SSH2: variants seen among roughly 807,000 people sequenced by gnomAD.
SSH2 encodes slingshot protein phosphatase 2, also known as protein phosphatase Slingshot homolog 2.
Under a neutral mutation model 135.2 loss-of-function variants are expected in SSH2, and 37 were observed. The observed-to-expected ratio is 0.27, with a 90% CI of 0.21 to 0.36. The LOEUF (loss-of-function observed/expected upper bound fraction) is 0.36. Among genes scored for constraint, SSH2 ranks in the 10% least tolerant of loss-of-function variants. SSH2 has a pLI of 1.00. For missense variants in SSH2, 1,408 were observed against 1,765.3 expected (o/e 0.80, Z 3.63); for synonymous variants, 628 against 646.2 (o/e 0.97, Z 0.43).
chr17:29,832,319 A>G (rs967608866), intron 2 of SSH2, among the ~76,000 whole-genome samples: 2 of 152,120 alleles, frequency 1.3e-5, no homozygotes, highest in Non-Finnish European at 1.5e-5. Context: ...TCTGGTAGAG[A>G]TGGAGTCTCC....
At chr17:29,783,780 G>C (rs2041893977) in intron 3 of SSH2, among the ~76,000 whole-genome samples, 1 of 151,464 alleles carries the variant, frequency 6.6e-6, no homozygotes, top group South Asian at 2.2e-4. Flanking sequence ...AAGAGTAATT[G>C]GGGGGGCCGG....
At chr17:29,813,682 G>A (rs956001260) in intron 2 of SSH2, among the ~76,000 whole-genome samples, 2 of 151,862 alleles carry the variant, frequency 1.3e-5, no homozygotes, top group African/African-American at 4.8e-5. Context: ...GCCGGGCGTG[G>A]TGGCAGGTGC....
At chr17:29,924,360 A>G (rs1247911700) in intron 1 of SSH2, among the ~76,000 whole-genome samples, 1 of 152,256 alleles carries the variant, frequency 6.6e-6, no homozygotes, top group Non-Finnish European at 1.5e-5. Flanking sequence ...TAAAATGTAT[A>G]TGTAAATTGA....
chr17:29,870,244 T>C (rs2065916852), intron 1 of SSH2, among the ~76,000 whole-genome samples: 1 of 150,752 alleles, frequency 6.6e-6, no homozygotes, highest in Admixed American at 6.6e-5. Context: ...GTTTTTGATG[T>C]ACTAATATGG....
chr17:29,699,951 T>C (rs544267519), intron 4 of SSH2, among the ~76,000 whole-genome samples: 1 of 152,284 alleles, frequency 6.6e-6, no homozygotes, highest in African/African-American at 2.4e-5. Flanking sequence ...AAATTTTCCA[T>C]GGCTGGAGAG....
chr17:29,751,990 T>C (rs1168636344), intron 3 of SSH2, among the ~76,000 whole-genome samples: 4 of 152,162 alleles, frequency 2.6e-5, no homozygotes. Context: ...CCCATGAATA[T>C]ACCTAATAAG....
intron 6 of SSH2, among the ~76,000 whole-genome samples, chr17:29,680,580 A>AAAAAAAT: frequency 6.7e-6 from 1 of 149,260 alleles, no homozygotes; most frequent in Non-Finnish European, 1.5e-5. Context: ...AAAAAAAAAA[A>AAAAAAAT]GAGTGATTCC....
intron 1 of SSH2, chr17:29,865,896 T>A (rs911517325): frequency 6.6e-6 from 1 of 150,998 alleles, no homozygotes; most frequent in African/African-American, 2.4e-5. Flanking sequence ...AGGTCAGGAG[T>A]TCGAGACCAG....
chr17:29,714,503 T>C (rs551491945), intron 3 of SSH2, among the ~76,000 whole-genome samples: 15 of 152,338 alleles, frequency 9.8e-5, no homozygotes, highest in Admixed American at 2.0e-4. Context: ...CTGTTCTTTG[T>C]TGCTGTTACC....
chr17:29,740,894 C>CT (rs1394420020), intron 3 of SSH2, among the ~76,000 whole-genome samples: 2 of 152,192 alleles, frequency 1.3e-5, no homozygotes, highest in East Asian at 1.9e-4. Flanking sequence ...CTTTAAAATT[C>CT]TTTAAGTCTA....
chr17:29,631,594 C>G lies in SSH2; in HGVS notation c.3600G>C (p.Glu1200Asp). 1 of 1,614,160 alleles carries G rather than the reference C, an allele frequency of 6.2e-7. No individual in the cohort carries two copies. Among genetic ancestry groups the G allele is most frequent in the African/African-American group, 1.3e-5 (1 of 75,026 alleles). The change falls in exon 16 of 16, where the codon GAG becomes GAC. Residue 1200 changes from glutamate to aspartate, a missense_variant. Glu to Asp is a conservative substitution (Grantham distance 45, BLOSUM62 2). This residue lies in a region of SSH2 where 1,080 missense variants were observed against 1,144.5 expected (regional missense o/e 0.94). Coordinates refer to ENST00000540801, the MANE Select transcript of SSH2 (RefSeq NM_001282129.2). Reference sequence around the variant, plus strand: ...TTAGCTGGGAGTCCTTATATGGCACCTCACTGCCACTGGAGAGAGGGCTCT... The same window carrying G: ...TTAGCTGGGAGTCCTTATATGGCACGTCACTGCCACTGGAGAGAGGGCTCT... ...SQESPLSSGS[E>D]VPYKDSQLSS...
At chr17:29,891,780 G>A (rs1456253412) in intron 1 of SSH2, among the ~76,000 whole-genome samples, 2 of 152,022 alleles carry the variant, frequency 1.3e-5, no homozygotes, top group African/African-American at 2.4e-5. Context: ...TAAATCAAAA[G>A]GTCTCAGTAC....
chr17:29,637,967 A>G (rs2150974425), intron 14 of SSH2, among the ~76,000 whole-genome samples: 1 of 151,896 alleles, frequency 6.6e-6, no homozygotes, highest in East Asian at 1.9e-4. Flanking sequence ...TACAAAAATT[A>G]GCTGGGAGTG....
At chr17:29,716,317 C>A in intron 3 of SSH2, 1 of 447,204 alleles carries the variant, frequency 2.2e-6, no homozygotes, top group Non-Finnish European at 4.1e-6. Context: ...GCTTCTTTTT[C>A]TGATCATTTT....
intron 3 of SSH2, among the ~76,000 whole-genome samples, chr17:29,755,666 T>C (rs2041090184): frequency 6.6e-6 from 1 of 150,708 alleles, no homozygotes; most frequent in Non-Finnish European, 1.5e-5. Flanking sequence ...CTTTTCTTTT[T>C]CTTTTTTTTT....
At chr17:29,839,746 G>A (rs560700143) in intron 2 of SSH2, among the ~76,000 whole-genome samples, 10 of 152,122 alleles carry the variant, frequency 6.6e-5, no homozygotes, top group Non-Finnish European at 1.5e-4. Flanking sequence ...AACTAGAGTT[G>A]AGAATCACTA....
intron 3 of SSH2, among the ~76,000 whole-genome samples, chr17:29,779,712 G>T (rs1049861043): frequency 1.3e-5 from 2 of 150,034 alleles, no homozygotes; most frequent in East Asian, 2.0e-4. Flanking sequence ...CAGCTACTTG[G>T]GGGGCTGAGG....
chr17:29,701,644 C>G (rs2038987579), intron 4 of SSH2, among the ~76,000 whole-genome samples: 1 of 151,990 alleles, frequency 6.6e-6, no homozygotes, highest in Non-Finnish European at 1.5e-5. Context: ...GATCTCGGCT[C>G]ACTGTAACCT....
chr17:29,665,760 G>A (rs571534922), intron 11 of SSH2, among the ~76,000 whole-genome samples: 1 of 152,302 alleles, frequency 6.6e-6, no homozygotes, highest in Non-Finnish European at 1.5e-5. Flanking sequence ...TAACACTTGA[G>A]AGAAAAATAG....
Sources: gnomAD v4.1 joint callset for allele counts (sites outside exome capture counted in the v4.1 genomes callset) on GRCh38, gnomAD v4.1.1 for gene constraint, gnomAD v4.1.1 regional missense constraint, MANE v1.5 for transcripts, NCBI Gene and HGNC (gene_info 2026-07-23, HGNC 2026-07-21) for gene names.